Variants in ARL3 observed in about 807,000 individuals in gnomAD.
The protein encoded by ARL3 is ARF like GTPase 3.
ARL3 carries 9 observed loss-of-function variants against 26.0 expected under a neutral mutation model. That is an observed-to-expected ratio of 0.35 (90% CI 0.21 to 0.60). The LOEUF is 0.60. Ranked by LOEUF, ARL3 falls within the 20% of genes least tolerant of loss-of-function variation. The pLI, the probability that ARL3 is intolerant of heterozygous loss-of-function variation, is 0.78. For missense variants in ARL3, 158 were observed against 215.7 expected, an observed-to-expected ratio of 0.73 and a Z score of 1.67; for synonymous variants, 71 against 78.4, an observed-to-expected ratio of 0.91 and a Z score of 0.50.
intron 1 of ARL3, 21 bp from the exon 2 acceptor site, chr10:102,705,510 A>C: frequency 6.4e-7 from 1 of 1,559,350 alleles, no homozygotes; most frequent in Non-Finnish European, 8.8e-7. Context: ...CACAAAGGAG[A>C]CAGATTACTC....
intron 3 of ARL3, among the ~76,000 whole-genome samples, chr10:102,692,886 C>A (rs972448074): frequency 6.6e-6 from 1 of 152,100 alleles, no homozygotes; most frequent in Non-Finnish European, 1.5e-5. Flanking sequence ...TTAGTAGAGA[C>A]AGGGTTTCAC....
intron 5 of ARL3, among the ~76,000 whole-genome samples, chr10:102,677,438 C>T (rs1177579690): frequency 1.3e-5 from 2 of 152,180 alleles, no homozygotes; most frequent in East Asian, 1.9e-4. Flanking sequence ...GCGAGGCACA[C>T]ACCAGGGCGA....
intron 3 of ARL3, among the ~76,000 whole-genome samples, chr10:102,690,598 ATTATG>A (rs1757961958): frequency 6.6e-6 from 1 of 152,122 alleles, no homozygotes; most frequent in Non-Finnish European, 1.5e-5. Context: ...CTTTGTTTAA[ATTATG>A]TTAAGTTTAA....
intron 1 of ARL3, among the ~76,000 whole-genome samples, chr10:102,710,721 T>C (rs1027585229): frequency 1.3e-5 from 2 of 152,230 alleles, no homozygotes; most frequent in East Asian, 1.9e-4. Context: ...ATATTGTGTG[T>C]TACCAGCATG....
intron 1 of ARL3, among the ~76,000 whole-genome samples, chr10:102,708,811 A>G (rs1024593232): frequency 2.0e-4 from 30 of 151,204 alleles, no homozygotes; most frequent in African/African-American, 7.3e-4. Flanking sequence ...AGCCAAGATC[A>G]TGCCTCTGCA....
At chr10:102,682,180 G>A (rs1038633685) in intron 5 of ARL3, among the ~76,000 whole-genome samples, 22 of 152,054 alleles carry the variant, frequency 1.4e-4, no homozygotes, top group Admixed American at 9.2e-4. Context: ...TCCTCTTTCC[G>A]CTTTCATCCA....
In ARL3 at chr10:102,699,161, A is replaced by G. The variant is rs116695254; in HGVS notation, c.264+212T>C. Among the ~76,000 whole-genome samples, 402 of 152,356 alleles carry G rather than the reference A, an allele frequency of 2.6e-3. 3 individuals carry two copies. The highest frequency in any genetic ancestry group is 9.3e-3 in the African/African-American group (386 of 41,588). On this transcript the variant is annotated intron_variant, in intron 3 of 5. Transcript: ENST00000260746. ...ATTTTGCCAAGATGGGTGTGGGTAC[A>G]ACATTGTTACTGAGCGACAGCAAAA...
At chr10:102,708,922 T>TTTTTTTTA (rs2064324467) in intron 1 of ARL3, among the ~76,000 whole-genome samples, 4 of 122,026 alleles carry the variant, frequency 3.3e-5, no homozygotes, top group East Asian at 2.0e-4. Context: ...TTTTTTTTTT[T>TTTTTTTTA]GAGACAAGGT....
chr10:102,707,126 C>A (rs1449858628), intron 1 of ARL3, among the ~76,000 whole-genome samples: 1 of 151,932 alleles, frequency 6.6e-6, no homozygotes, highest in Non-Finnish European at 1.5e-5. Context: ...GAGACCCTGT[C>A]CCTACAAAAA....
At chr10:102,683,085 C>T (rs918157266) in intron 5 of ARL3, among the ~76,000 whole-genome samples, 1 of 152,150 alleles carries the variant, frequency 6.6e-6, no homozygotes, top group East Asian at 1.9e-4. Flanking sequence ...TGTACTTCAA[C>T]TAAGCAATGC....
intron 3 of ARL3, among the ~76,000 whole-genome samples, chr10:102,695,465 T>C (rs764729465): frequency 6.6e-6 from 1 of 152,248 alleles, no homozygotes; most frequent in African/African-American, 2.4e-5. Flanking sequence ...ATTAACCTTA[T>C]ATCCTGCAGC....
At position 102,689,962 on chromosome 10, in the gene ARL3, A is replaced by T. The variant is rs968899336; in HGVS notation, c.265-19T>A. The T allele has an allele frequency of 1.3e-6, 2 of 1,542,208 alleles. No individual in the cohort carries two copies. The highest frequency in any genetic ancestry group is 2.2e-5 in the East Asian group (1 of 44,504). On this transcript the variant is annotated intron_variant, in intron 3 of 5. Coordinates refer to ENST00000260746, the MANE Select transcript of ARL3 (RefSeq NM_004311.4). ...CATATATCTATAAAGGAAAAGAAGA[A>T]GGTTATTTCAGTGAGCAGAGATGGA...
chr10:102,704,254 A>G, intron 2 of ARL3, among the ~76,000 whole-genome samples: 1 of 151,916 alleles, frequency 6.6e-6, no homozygotes, highest in South Asian at 2.1e-4. Flanking sequence ...TAAAATATTA[A>G]CCATGGTTTT....
In ARL3 at chr10:102,676,853, A is replaced by G. The variant is rs2064133172; in HGVS notation, c.*41T>C. The G allele has an allele frequency of 6.2e-7, 1 of 1,607,188 alleles. No individual in the cohort carries two copies. Among genetic ancestry groups the G allele is most frequent in the Non-Finnish European group, 8.5e-7 (1 of 1,174,458 alleles). On this transcript the variant is annotated 3_prime_UTR_variant, in exon 6 of 6. Coordinates refer to ENST00000260746, the MANE Select transcript of ARL3 (RefSeq NM_004311.4). ...GCAAATTAGTGTTTTTCAGGACCGA[A>G]TTCGGCTCCCGCAGCTCCTGCATCT...
chr10:102,705,244 A>C, intron 2 of ARL3, 102 bp downstream of exon 2: 1 of 1,369,780 alleles, frequency 7.3e-7, no homozygotes, highest in Non-Finnish European at 9.6e-7. Context: ...TCTCAGAGAC[A>C]AAACTTGGAA....
chr10:102,699,937 G>C (rs1365709773), intron 2 of ARL3, among the ~76,000 whole-genome samples: 1 of 152,200 alleles, frequency 6.6e-6, no homozygotes, highest in African/African-American at 2.4e-5. Flanking sequence ...TACAAATCTA[G>C]AGGATTAGAT....
At chr10:102,682,990 A>G (rs1220924476) in intron 5 of ARL3, among the ~76,000 whole-genome samples, 3 of 152,248 alleles carry the variant, frequency 2.0e-5, no homozygotes, top group South Asian at 4.1e-4. Context: ...ACCTCAAACC[A>G]TTCGATCTTT....
Position 102,689,920 on chromosome 10 carries a change from G to A in ARL3, c.288C>T (p.Asp96=), listed in dbSNP as rs201727171. 5 of 1,597,634 alleles carry A rather than the reference G, an allele frequency of 3.1e-6. No homozygotes were observed. In the African/African-American group the frequency reaches 6.7e-5, roughly 22 times the overall value. ...DILIYVIDSA[D]RKRFEETGQE... is the part of the protein sequence containing the mutation. Reference sequence around the variant, plus strand: ...GACCCGTCTCTTCAAATCTTTTTCTGTCTGCACTGTCGATTACATATATCT... The same window carrying A: ...GACCCGTCTCTTCAAATCTTTTTCTATCTGCACTGTCGATTACATATATCT... Residue 96 remains aspartate, a synonymous_variant, in exon 4 of 6, where the codon GAC becomes GAT. Coordinates refer to ENST00000260746, the MANE Select transcript of ARL3 (RefSeq NM_004311.4).
At chr10:102,701,121 G>A (rs1433033871) in intron 2 of ARL3, among the ~76,000 whole-genome samples, 1 of 152,160 alleles carries the variant, frequency 6.6e-6, no homozygotes, top group Admixed American at 6.5e-5. Context: ...TTGCCAGGTG[G>A]GGGTCAGTGT....
Sources: gnomAD v4.1 joint callset for allele counts (sites outside exome capture counted in the v4.1 genomes callset) on GRCh38, gnomAD v4.1.1 for gene constraint, MANE v1.5 for transcripts, NCBI Gene and HGNC (gene_info 2026-07-23, HGNC 2026-07-21) for gene names.